The following MYH11 variants were observed in gnomAD, a reference collection of about 807,000 sequenced individuals.
MYH11 encodes the protein myosin-11.
In MYH11, 80 loss-of-function variants were observed where a neutral mutation model predicts 246.6. That is an observed-to-expected ratio of 0.32 (90% CI 0.27 to 0.39). MYH11 has a LOEUF of 0.39. Ranked by LOEUF, MYH11 falls within the 10% of genes least tolerant of loss-of-function variation. The probability of loss-of-function intolerance (pLI) is 1.00; values close to 1 mark genes in which losing one functional copy is unlikely to be tolerated. For missense variants in MYH11, 2,158 were observed against 2,546.8 expected, an observed-to-expected ratio of 0.85 and a Z score of 3.29; for synonymous variants, 1,071 against 1,015.5, an observed-to-expected ratio of 1.05 and a Z score of -1.04.
intron 3 of MYH11, among the ~76,000 whole-genome samples, chr16:15,800,597 T>TTGGATGGATGGATGGA (rs138132973): frequency 1.4e-5 from 2 of 143,074 alleles, no homozygotes; most frequent in Admixed American, 7.0e-5. Flanking sequence ...GGTAAATGAG[T>TTGGATGGATGGATGGA]TGGATGGATG....
intron 5 of MYH11, chr16:15,784,863 T>C: frequency 3.6e-6 from 3 of 828,442 alleles, no homozygotes; most frequent in South Asian, 3.1e-5. Flanking sequence ...TCCTTGATAC[T>C]GTTTCTTTTC....
intron 3 of MYH11, among the ~76,000 whole-genome samples, chr16:15,811,952 C>A (rs1464527408): frequency 1.3e-5 from 2 of 152,164 alleles, no homozygotes; most frequent in Admixed American, 6.5e-5. Context: ...CCCTCCTACA[C>A]CCCAGGGACC....
At chr16:15,800,975 G>A (rs2042871666) in intron 3 of MYH11, among the ~76,000 whole-genome samples, 1 of 151,950 alleles carries the variant, frequency 6.6e-6, no homozygotes, top group South Asian at 2.1e-4. Context: ...GGAGGCCAAG[G>A]AGGGTGGATC....
chr16:15,735,283 T>C (rs2041083038), intron 26 of MYH11, 83 bp downstream of exon 26: 1 of 1,491,656 alleles, frequency 6.7e-7, no homozygotes, highest in Non-Finnish European at 9.3e-7. Context: ...GATGCACGAT[T>C]TGCTTTGGGT....
intron 36 of MYH11, chr16:15,718,733 C>G: frequency 2.0e-6 from 1 of 512,368 alleles, no homozygotes; most frequent in South Asian, 2.2e-5. Flanking sequence ...TGAATGAAAG[C>G]AGCCACACCC....
At chr16:15,775,586 A>G (rs1466938460) in intron 8 of MYH11, among the ~76,000 whole-genome samples, 1 of 152,248 alleles carries the variant, frequency 6.6e-6, no homozygotes, top group Non-Finnish European at 1.5e-5. Flanking sequence ...AAGATTTACT[A>G]TCTGGCCTTT....
chr16:15,736,466 A>T (rs2041120697), intron 25 of MYH11, among the ~76,000 whole-genome samples: 2 of 152,062 alleles, frequency 1.3e-5, no homozygotes, highest in African/African-American at 2.4e-5. Context: ...TTTTGTAGGG[A>T]CAGGGTCTTG....
chr16:15,720,339 G>T, intron 33 of MYH11, 27 bp from the exon 34 acceptor site: 1 of 1,606,400 alleles, frequency 6.2e-7, no homozygotes, highest in Non-Finnish European at 8.5e-7. Flanking sequence ...GATGTGTGCT[G>T]CCCCACTTGC....
intron 3 of MYH11, among the ~76,000 whole-genome samples, chr16:15,805,772 G>T (rs2042995894): frequency 6.6e-6 from 1 of 152,080 alleles, no homozygotes; most frequent in Non-Finnish European, 1.5e-5. Context: ...AACATTAGCT[G>T]GGCATAGTGG....
At chr16:15,755,202 A>G (rs6498571) in intron 14 of MYH11, among the ~76,000 whole-genome samples, 8,907 of 152,230 alleles carry the variant, frequency 0.059, 883 homozygotes, top group African/African-American at 0.2. Flanking sequence ...GAATACTACA[A>G]TTCTGCAAGC....
At chr16:15,856,106 C>T (rs754240819) in intron 1 of MYH11, among the ~76,000 whole-genome samples, 5 of 151,984 alleles carry the variant, frequency 3.3e-5, no homozygotes, top group African/African-American at 4.8e-5. Context: ...GGTGGCTCTG[C>T]GGGAAATTCT....
chr16:15,775,077 T>C (rs115638909), intron 8 of MYH11, among the ~76,000 whole-genome samples: 1,606 of 152,304 alleles, frequency 0.011, 28 homozygotes, highest in African/African-American at 0.037. Flanking sequence ...GACTCAAAAC[T>C]TATTACTAAC....
At chr16:15,815,435 T>C (rs528188045) in intron 3 of MYH11, among the ~76,000 whole-genome samples, 2 of 152,008 alleles carry the variant, frequency 1.3e-5, no homozygotes, top group East Asian at 3.9e-4. Context: ...TAAAACGCAA[T>C]GGAAGGGTTA....
intron 2 of MYH11, among the ~76,000 whole-genome samples, chr16:15,823,831 T>G (rs2043483034): frequency 6.6e-6 from 1 of 152,134 alleles, no homozygotes; most frequent in African/African-American, 2.4e-5. Context: ...TTCACTGTGT[T>G]GCTCAGGCTG....
chr16:15,766,001 C>T (rs775927659), intron 9 of MYH11, among the ~76,000 whole-genome samples: 4 of 152,132 alleles, frequency 2.6e-5, no homozygotes, highest in Non-Finnish European at 4.4e-5. Context: ...TTGTGGGGAG[C>T]TGTCCTGGGT....
chr16:15,734,758 G>C (rs2041066083), intron 26 of MYH11, among the ~76,000 whole-genome samples: 2 of 152,108 alleles, frequency 1.3e-5, no homozygotes, highest in African/African-American at 4.8e-5. Context: ...AATTTTTTTA[G>C]TTGATCAGCT....
intron 26 of MYH11, among the ~76,000 whole-genome samples, chr16:15,734,483 A>G (rs1235380414): frequency 6.6e-6 from 1 of 152,188 alleles, no homozygotes; most frequent in African/African-American, 2.4e-5. Flanking sequence ...GATTTATAGT[A>G]GAGACAGGGT....
intron 2 of MYH11, among the ~76,000 whole-genome samples, chr16:15,834,248 T>C (rs2043829743): frequency 6.6e-6 from 1 of 152,122 alleles, no homozygotes; most frequent in African/African-American, 2.4e-5. Context: ...ACATACTGGC[T>C]GGGCGTGGTG....
At chr16:15,757,123 T>C (rs2041745259) in intron 13 of MYH11, among the ~76,000 whole-genome samples, 1 of 151,786 alleles carries the variant, frequency 6.6e-6, no homozygotes, top group African/African-American at 2.4e-5. Context: ...GCAAATGAAT[T>C]TGTTGCTTGA....
Sources: allele counts gnomAD v4.1 joint callset (sites outside exome capture counted in the v4.1 genomes callset), GRCh38; gene constraint gnomAD v4.1.1; transcripts MANE v1.5; gene names NCBI Gene and HGNC (gene_info 2026-07-23, HGNC 2026-07-21).